TBC1D5: variants seen among roughly 807,000 people sequenced by gnomAD.
The protein encoded by TBC1D5 is TBC1 domain family, member 5.
In TBC1D5, 75 loss-of-function variants were observed where a neutral mutation model predicts 100.3. The ratio of observed to expected loss-of-function variants is 0.75; its 90% CI spans 0.62 to 0.91. TBC1D5 has a LOEUF of 0.91. Ranked by LOEUF, TBC1D5 falls within the 40% of genes least tolerant of loss-of-function variation. The pLI is 0.00. For synonymous variants in TBC1D5, 323 were observed against 325.6 expected (o/e 0.99, Z 0.09); for missense variants, 910 against 942.4 (o/e 0.97, Z 0.45).
chr3:17,452,717 G>A (rs954232191), intron 3 of TBC1D5, among the ~76,000 whole-genome samples: 1 of 152,010 alleles, frequency 6.6e-6, no homozygotes, highest in Non-Finnish European at 1.5e-5. Context: ...ATAATAGCTA[G>A]AGAATTCAGC....
intron 4 of TBC1D5, among the ~76,000 whole-genome samples, chr3:17,416,407 T>C (rs1419782141): frequency 1.3e-5 from 2 of 152,192 alleles, no homozygotes; most frequent in Non-Finnish European, 2.9e-5. Context: ...GTAGTTCCCA[T>C]ATTGGACAGG....
chr3:17,656,295 T>G (rs1321193254), intron 1 of TBC1D5, among the ~76,000 whole-genome samples: 1 of 152,110 alleles, frequency 6.6e-6, no homozygotes, highest in East Asian at 1.9e-4. Flanking sequence ...ACCTGGTTCA[T>G]TTGAAAGGAA....
chr3:17,474,564 T>C (rs1021511273), intron 3 of TBC1D5, among the ~76,000 whole-genome samples: 11 of 151,970 alleles, frequency 7.2e-5, no homozygotes, highest in East Asian at 1.9e-4. Context: ...AACAGCAACA[T>C]AGAGAAAACA....
intron 2 of TBC1D5, chr3:17,576,452 G>A (rs1293083606): frequency 6.6e-6 from 1 of 151,548 alleles, no homozygotes; most frequent in East Asian, 1.9e-4. Flanking sequence ...TTTGAAACAA[G>A]CAACAACAGA....
intron 1 of TBC1D5, among the ~76,000 whole-genome samples, chr3:17,685,705 A>G (rs2070168949): frequency 6.6e-6 from 1 of 152,044 alleles, no homozygotes; most frequent in South Asian, 2.1e-4. Flanking sequence ...TTATAATACA[A>G]CTGCCTTGAT....
chr3:17,167,471 TA>T (rs914628234), intron 20 of TBC1D5, among the ~76,000 whole-genome samples: 1 of 152,248 alleles, frequency 6.6e-6, no homozygotes, highest in Admixed American at 6.5e-5. Context: ...GATGCTGGTC[TA>T]CCCACACTAG....
At chr3:17,686,818 CT>C (rs2070352461) in intron 1 of TBC1D5, among the ~76,000 whole-genome samples, 1 of 152,156 alleles carries the variant, frequency 6.6e-6, no homozygotes, top group South Asian at 2.1e-4. Flanking sequence ...GGGAGAATTA[CT>C]GACATCTAGT....
chr3:17,201,510 T>C (rs2733522), intron 18 of TBC1D5, among the ~76,000 whole-genome samples: 76,264 of 151,928 alleles, frequency 0.5, 20,092 homozygotes, highest in African/African-American at 0.66. Context: ...GTGCCTGATA[T>C]GGTTTGGATT....
At chr3:17,248,695 A>AT (rs1306809812) in intron 16 of TBC1D5, among the ~76,000 whole-genome samples, 4 of 152,028 alleles carry the variant, frequency 2.6e-5, no homozygotes, top group Non-Finnish European at 2.9e-5. Context: ...TGAAAGGAAT[A>AT]TTTTTTTTCT....
intron 17 of TBC1D5, among the ~76,000 whole-genome samples, chr3:17,223,900 AAAAACAAAACAAAAC>A (rs142249829): frequency 2.0e-5 from 3 of 150,434 alleles, no homozygotes; most frequent in East Asian, 1.9e-4. Context: ...TCTGTCTCAA[AAAAACAAAACAAAAC>A]AAAACAAAAC....
chr3:17,326,839 A>G (rs552984747), intron 13 of TBC1D5, among the ~76,000 whole-genome samples: 1 of 152,240 alleles, frequency 6.6e-6, no homozygotes, highest in Admixed American at 6.5e-5. Flanking sequence ...TGCTCCTCTC[A>G]CTATCTTTCT....
At chr3:17,409,387 C>G (rs1370381794) in intron 4 of TBC1D5, among the ~76,000 whole-genome samples, 1 of 152,090 alleles carries the variant, frequency 6.6e-6, no homozygotes, top group Non-Finnish European at 1.5e-5. Context: ...AGTCCCTTGT[C>G]TCTCTCCCTC....
chr3:17,481,904 C>T (rs1276109982), intron 3 of TBC1D5, among the ~76,000 whole-genome samples: 10 of 152,172 alleles, frequency 6.6e-5, no homozygotes, highest in Admixed American at 5.9e-4. Context: ...CCACGCCTGG[C>T]TAATTTTTAT....
chr3:17,435,966 A>C (rs1322417320), intron 3 of TBC1D5, among the ~76,000 whole-genome samples: 1 of 152,250 alleles, frequency 6.6e-6, no homozygotes, highest in East Asian at 1.9e-4. Flanking sequence ...GCACAGAGCC[A>C]GTCTGCAAAG....
intron 9 of TBC1D5, among the ~76,000 whole-genome samples, chr3:17,377,902 C>T (rs1019526580): frequency 2.0e-5 from 3 of 151,726 alleles, no homozygotes; most frequent in African/African-American, 7.3e-5. Flanking sequence ...AGGTAACCAT[C>T]TCCTTATTAA....
In TBC1D5 at chr3:17,286,021, A is replaced by AT. The variant is rs1031377552; in HGVS notation, c.1245+5873dup. On this transcript the variant is annotated intron_variant, in intron 15 of 21. Transcript: ENST00000253692. ...GACTGCTTGCCAAGTTACTAGAAAT[A>AT]TTTTTTCCCAAATATTCTAGTCTTC... 2.0e-5 allele frequency among the ~76,000 whole-genome samples: 3 copies of AT among 152,280 alleles called. No homozygotes were observed. In the East Asian group the frequency reaches 5.8e-4, roughly 29 times the overall value.
chr3:17,246,011 C>A (rs1433835046), intron 16 of TBC1D5, among the ~76,000 whole-genome samples: 1 of 152,024 alleles, frequency 6.6e-6, no homozygotes, highest in Non-Finnish European at 1.5e-5. Context: ...GCCCTCTTCA[C>A]CTCTCTTTTC....
chr3:17,236,694 C>A (rs1383136557), intron 17 of TBC1D5, among the ~76,000 whole-genome samples: 1 of 152,046 alleles, frequency 6.6e-6, no homozygotes, highest in Non-Finnish European at 1.5e-5. Context: ...CCATGTTGGC[C>A]AGGATGGTCT....
chr3:17,590,356 C>A (rs1170681345), intron 2 of TBC1D5, among the ~76,000 whole-genome samples: 1 of 152,110 alleles, frequency 6.6e-6, no homozygotes, highest in Non-Finnish European at 1.5e-5. Flanking sequence ...AAAACAGGTT[C>A]TAGTGGTTTA....
Sources: allele counts gnomAD v4.1 joint callset (sites outside exome capture counted in the v4.1 genomes callset), GRCh38; gene constraint gnomAD v4.1.1; transcripts MANE v1.5; gene names NCBI Gene and HGNC (gene_info 2026-07-23, HGNC 2026-07-21).